STEAP2: variants seen among roughly 807,000 people sequenced by gnomAD.
STEAP2 encodes the protein STEAP2 metalloreductase.
In STEAP2, 30 loss-of-function variants were observed where a neutral mutation model predicts 46.4. The observed-to-expected ratio is 0.65, with a 90% confidence interval of 0.48 to 0.88. The LOEUF (loss-of-function observed/expected upper bound fraction) is 0.88, where lower values mean the gene tolerates loss of function less well. STEAP2 is among the 40% of genes least tolerant of loss of function. The pLI is 0.00. For missense variants in STEAP2, 513 were observed against 579.3 expected (o/e 0.89, Z 1.18); for synonymous variants, 180 against 200.5 (o/e 0.90, Z 0.86).
chr7:90,226,295 T>C (rs1029838341), intron 3 of STEAP2, among the ~76,000 whole-genome samples: 1 of 152,204 alleles, frequency 6.6e-6, no homozygotes, highest in African/African-American at 2.4e-5. Context: ...AAATTTGTAT[T>C]ATGTAGCATT....
intron 4 of STEAP2, 127 bp downstream of exon 4, chr7:90,227,625 G>T: frequency 2.2e-6 from 2 of 910,418 alleles, no homozygotes; most frequent in Non-Finnish European, 3.0e-6. Context: ...GGAGGGGAAA[G>T]AATTGTTCTT....
chr7:90,237,989 TAATA>T (rs560640920), downstream of STEAP2: 14 of 705,576 alleles, frequency 2.0e-5, no homozygotes, highest in Non-Finnish European at 3.4e-5. Context: ...AGAGATATTA[TAATA>T]AATAATTACC....
Position 90,227,276 on chromosome 7 carries a change from G to A in STEAP2, c.798G>A (p.Leu266=). The change falls in exon 4 of 6, where the codon TTG becomes TTA. Residue 266 remains leucine (L), a synonymous_variant. Transcript: ENST00000394621. ...CCTTACCTATAGTTGCCATTACTTT[G>A]CTCTCCCTAGTATACCTCGCAGGTC... ...NKTLPIVAIT[L]LSLVYLAGLL... is the part of the protein sequence containing the mutation. 1 of 1,613,768 alleles carries A rather than the reference G, an allele frequency of 6.2e-7. No individual in the cohort carries two copies. The highest frequency in any genetic ancestry group is 8.5e-7 in the Non-Finnish European group (1 of 1,179,812).
In STEAP2 at chr7:90,232,969, T is replaced by A. The variant is rs1205237818; in HGVS notation, c.*345T>A. 3.1e-6 allele frequency: 3 copies of A among 968,644 alleles called. No homozygotes were observed. The African/African-American group carries it at 5.3e-5, about 17-fold the overall frequency. 60.0% of individuals were successfully genotyped at this position (968,644 alleles called of 1,614,324 possible). ...AAAAACAATTTGCAAACCAGCAGAATTTTAAGCTTTTAAAATAATTCAATG... is the reference window on the plus strand; with the variant it reads ...AAAAACAATTTGCAAACCAGCAGAAATTTAAGCTTTTAAAATAATTCAATG... On this transcript the variant is annotated 3_prime_UTR_variant, in exon 6 of 6. Transcript: ENST00000394621.
Position 90,236,881 on chromosome 7 carries a change from G to C in STEAP2, c.*4257G>C. ...TTTAAGGAAATATTCTCTTGAAATT[G>C]TCTTTAAAGATCTTTTGCAGCTTTG... On this transcript the variant is annotated 3_prime_UTR_variant, in exon 6 of 6. Coordinates refer to ENST00000394621, the MANE Select transcript of STEAP2 (RefSeq NM_001244944.2). 1 of 1,613,598 alleles carries C rather than the reference G, an allele frequency of 6.2e-7. No individual in the cohort carries two copies. Among genetic ancestry groups the C allele is most frequent in the East Asian group, 2.2e-5 (1 of 44,842 alleles).
chr7:90,222,020 G>T (rs564431977), intron 2 of STEAP2, among the ~76,000 whole-genome samples: 1 of 152,162 alleles, frequency 6.6e-6, no homozygotes, highest in Non-Finnish European at 1.5e-5. Context: ...TCCAGGCTGG[G>T]ATATAGGAAA....
chr7:90,224,702 A>C (rs1234088108), intron 2 of STEAP2, among the ~76,000 whole-genome samples: 1 of 152,190 alleles, frequency 6.6e-6, no homozygotes, highest in Non-Finnish European at 1.5e-5. Context: ...TTTCATTAGA[A>C]ATGCAGAATG....
chr7:90,227,001 C>T lies in STEAP2; in HGVS notation c.523C>T (p.Arg175Ter), dbSNP rs759069761. The T allele has an allele frequency of 2.4e-5, 38 of 1,605,646 alleles. No individual in the cohort carries two copies. The highest frequency in any genetic ancestry group is 1.1e-4 in the African/African-American group (8 of 74,434). ...TATATGCAGCAACAATATTCAAGCG[C>T]GACAACAGGTTATTGAACTTGCCCG... is the stretch of plus-strand genomic sequence containing the variant. Reference protein sequence around the residue: ...VYICSNNIQARQQVIELARQL... With the variant: ...VYICSNNIQA Residue 175 changes from arginine (R) to a stop codon, truncating the protein, a stop_gained, in exon 4 of 6, where the codon CGA becomes TGA. Transcript: ENST00000394621. LOFTEE classifies it high-confidence loss of function.
chr7:90,222,968 T>C (rs1795315380), intron 2 of STEAP2, among the ~76,000 whole-genome samples: 1 of 152,214 alleles, frequency 6.6e-6, no homozygotes, highest in Non-Finnish European at 1.5e-5. Context: ...AGTATTTTTC[T>C]TTCAGACCCA....
chr7:90,231,116 A>G (rs576253306), intron 5 of STEAP2, among the ~76,000 whole-genome samples: 3 of 152,074 alleles, frequency 2.0e-5, no homozygotes, highest in South Asian at 4.1e-4. Flanking sequence ...TTACTTTTAT[A>G]TAACAGACTA....
At position 90,235,025 on chromosome 7, in the gene STEAP2, T is replaced by C; in HGVS notation, c.*2401T>C. 1 of 956,632 alleles carries C rather than the reference T, an allele frequency of 1.0e-6. No homozygotes were observed. 59.3% of individuals were successfully genotyped at this position (956,632 alleles called of 1,614,324 possible). On this transcript the variant is annotated 3_prime_UTR_variant, in exon 6 of 6. Coordinates refer to ENST00000394621, the MANE Select transcript of STEAP2 (RefSeq NM_001244944.2). ...AATGAAAATAACAGCGTATTTTCAA[T>C]ATTTTCTTATTCCTTAAATTCCACT...
chr7:90,214,467 T>C (rs1794939204), intron 1 of STEAP2, among the ~76,000 whole-genome samples: 1 of 152,126 alleles, frequency 6.6e-6, no homozygotes, highest in African/African-American at 2.4e-5. Context: ...GACTGGTCTT[T>C]GATAGGTAAA....
chr7:90,224,973 A>G (rs901245907), intron 2 of STEAP2, 77 bp from the exon 3 acceptor site: 7 of 1,237,182 alleles, frequency 5.7e-6, no homozygotes, highest in Middle Eastern at 4.1e-4. Context: ...CTAGAAAGAC[A>G]GGACATTACA....
At chr7:90,218,485 A>G (rs532186134) in intron 2 of STEAP2, among the ~76,000 whole-genome samples, 1 of 152,212 alleles carries the variant, frequency 6.6e-6, no homozygotes, top group East Asian at 1.9e-4. Flanking sequence ...TTCTGCATAC[A>G]GATATCCAAT....
At chr7:90,231,532 A>G (rs1383784113) in intron 5 of STEAP2, among the ~76,000 whole-genome samples, 3 of 152,020 alleles carry the variant, frequency 2.0e-5, no homozygotes, top group African/African-American at 4.8e-5. Context: ...CCCAGGCTAC[A>G]AACCTGTACA....
At chr7:90,216,887 C>A (rs1485203714) in intron 2 of STEAP2, among the ~76,000 whole-genome samples, 1 of 152,154 alleles carries the variant, frequency 6.6e-6, no homozygotes, top group African/African-American at 2.4e-5. Context: ...TTAAAACTTG[C>A]CAGGTCATTG....
downstream of STEAP2, among the ~76,000 whole-genome samples, chr7:90,240,760 A>T (rs1393389909): frequency 6.6e-6 from 1 of 152,236 alleles, no homozygotes; most frequent in East Asian, 1.9e-4. This position sits in a 1 kb window ranked among gnomAD's most constrained non-coding sequence, Gnocchi z 4.1. Context: ...GCTACTAAGA[A>T]ATTGCAATTT....
intron 4 of STEAP2, among the ~76,000 whole-genome samples, chr7:90,228,679 A>G (rs1256992419): frequency 2.6e-5 from 4 of 152,244 alleles, no homozygotes; most frequent in South Asian, 2.1e-4. Context: ...CCCCCAACAG[A>G]AAGTAAGTTC....
In STEAP2 at chr7:90,234,353, C is replaced by G. The variant is rs113562146; in HGVS notation, c.*1729C>G. 51 of 985,208 alleles carry G rather than the reference C, an allele frequency of 5.2e-5. No individual in the cohort carries two copies. The African/African-American group carries it at 8.2e-4, about 16-fold the overall frequency. The allele number at this position is 985,208 out of a possible 1,614,324, so 61.0% of individuals were successfully genotyped here. A position where few individuals can be genotyped will look rare whatever the true frequency, so the allele number is the denominator to read the frequency against. On this transcript the variant is annotated 3_prime_UTR_variant, in exon 6 of 6. Transcript: ENST00000394621. Reference sequence around the variant, plus strand: ...AGATACAATTATATGCGTTCCTCTTCCTGAAATTATAACATTTCTAAACTT... The same window carrying G: ...AGATACAATTATATGCGTTCCTCTTGCTGAAATTATAACATTTCTAAACTT...
Sources: gnomAD v4.1 joint callset for allele counts (sites outside exome capture counted in the v4.1 genomes callset) on GRCh38, gnomAD v4.1.1 for gene constraint, Gnocchi (gnomAD v3.1) non-coding constraint, MANE v1.5 for transcripts, NCBI Gene and HGNC (gene_info 2026-07-23, HGNC 2026-07-21) for gene names.